The following SGCG variants were observed in gnomAD, a reference collection of about 807,000 sequenced individuals.
SGCG encodes the protein sarcoglycan gamma, also known as gamma-sarcoglycan.
Under a neutral mutation model 29.3 loss-of-function variants are expected in SGCG, and 26 were observed. That is an observed-to-expected ratio of 0.89 (90% confidence interval 0.65 to 1.23). The LOEUF is 1.23. Among genes scored for constraint, SGCG ranks in the 50% most tolerant of loss-of-function variants. SGCG has a pLI of 0.00. For synonymous variants in SGCG, 145 were observed against 129.7 expected (o/e 1.12, Z -0.80); for missense variants, 353 against 356.0 (o/e 0.99, Z 0.07).
rs920578426 is a variant in SGCG at position 23,242,040 on chromosome 13, T to C, written c.297+7328T>C. Among the ~76,000 whole-genome samples, 37 of 152,322 alleles carry C rather than the reference T, an allele frequency of 2.4e-4. 1 individual carries two copies. The highest frequency in any genetic ancestry group is 3.4e-3 in the Middle Eastern group (1 of 294). Reference sequence around the variant, plus strand: ...TTGATAAACCTTGAACCAGACTGAATATTTTAAAAAGAGAGGGCACAAATT... The same window carrying C: ...TTGATAAACCTTGAACCAGACTGAACATTTTAAAAAGAGAGGGCACAAATT... On this transcript the variant is annotated intron_variant, in intron 3 of 7. Transcript: ENST00000218867.
chr13:23,287,397 C>G (rs1235831974), intron 5 of SGCG, among the ~76,000 whole-genome samples: 2 of 120,950 alleles, frequency 1.7e-5, no homozygotes, highest in Non-Finnish European at 4.0e-5. Flanking sequence ...CTTGCAAGCA[C>G]AAAGAACTGA....
intron 4 of SGCG, among the ~76,000 whole-genome samples, chr13:23,275,944 A>T (rs1881052016): frequency 6.6e-6 from 1 of 152,228 alleles, no homozygotes; most frequent in African/African-American, 2.4e-5. Context: ...CACATTGTAT[A>T]TAAGGAAGAA....
intron 7 of SGCG, among the ~76,000 whole-genome samples, chr13:23,321,206 T>TA (rs1288548990): frequency 6.6e-6 from 1 of 151,924 alleles, no homozygotes; most frequent in Non-Finnish European, 1.5e-5. Flanking sequence ...AGATGAAAAA[T>TA]AAGAGTGTTT....
intron 6 of SGCG, among the ~76,000 whole-genome samples, chr13:23,310,787 A>G (rs1187678626): frequency 1.3e-5 from 2 of 152,012 alleles, no homozygotes; most frequent in Non-Finnish European, 2.9e-5. Flanking sequence ...TTTTGTTTAT[A>G]TGCACAGACA....
intron 4 of SGCG, among the ~76,000 whole-genome samples, chr13:23,261,589 G>T (rs768782078): frequency 6.6e-6 from 1 of 151,990 alleles, no homozygotes; most frequent in African/African-American, 2.4e-5. Flanking sequence ...GTATTTAAGG[G>T]AATAATTTAG....
At chr13:23,290,526 T>C (rs1452720301) in intron 5 of SGCG, among the ~76,000 whole-genome samples, 1 of 152,210 alleles carries the variant, frequency 6.6e-6, no homozygotes, top group Non-Finnish European at 1.5e-5. Context: ...ACGGAAGTTA[T>C]TGCTATCTTA....
intron 4 of SGCG, among the ~76,000 whole-genome samples, chr13:23,264,633 A>T (rs1360459432): frequency 1.3e-5 from 2 of 152,210 alleles, no homozygotes; most frequent in African/African-American, 4.8e-5. Context: ...ATCCTAAGCA[A>T]AAAGAATAAA....
At chr13:23,200,189 G>A (rs182459666) in intron 1 of SGCG, among the ~76,000 whole-genome samples, 290 of 152,292 alleles carry the variant, frequency 1.9e-3, no homozygotes, top group Middle Eastern at 6.8e-3. Context: ...TTGGGAGGCC[G>A]AAGCGAGTGG....
chr13:23,299,477 G>A (rs1206944606), intron 6 of SGCG, among the ~76,000 whole-genome samples: 1 of 23,246 alleles, frequency 4.3e-5, no homozygotes, highest in Non-Finnish European at 1.1e-4. Flanking sequence ...TTTTTTAGTC[G>A]GAGTCTCACT....
the SGCG span, among the ~76,000 whole-genome samples, chr13:23,167,927 T>C: frequency 2.0e-5 from 3 of 152,164 alleles, no homozygotes; most frequent in African/African-American, 7.2e-5. Flanking sequence ...GAGACGAGGT[T>C]TCACCATGTT....
At chr13:23,290,981 C>A (rs922143959) in intron 5 of SGCG, among the ~76,000 whole-genome samples, 2 of 152,096 alleles carry the variant, frequency 1.3e-5, no homozygotes. Flanking sequence ...CCTTCATGAC[C>A]GTCTCAATCC....
chr13:23,245,158 G>A (rs9580585), intron 3 of SGCG: 101,705 of 152,110 alleles, frequency 0.67, 34,407 homozygotes, highest in East Asian at 0.91. Context: ...AATTTGGAGC[G>A]TTTGGGGTTC....
chr13:23,273,182 A>C (rs1208834727), intron 4 of SGCG, among the ~76,000 whole-genome samples: 3 of 121,524 alleles, frequency 2.5e-5, no homozygotes, highest in Non-Finnish European at 5.7e-5. Context: ...TTACGAACTT[A>C]GTTCTTTTTT....
At chr13:23,238,177 G>A (rs1366304631) in intron 3 of SGCG, among the ~76,000 whole-genome samples, 5 of 152,174 alleles carry the variant, frequency 3.3e-5, no homozygotes, top group African/African-American at 1.2e-4. Context: ...CTGCAATGAG[G>A]GAGGGGAGCC....
intron 6 of SGCG, among the ~76,000 whole-genome samples, chr13:23,310,512 A>G (rs371345968): frequency 1.3e-5 from 2 of 152,122 alleles, no homozygotes; most frequent in South Asian, 2.1e-4. Flanking sequence ...TTTATTTTCA[A>G]TATGTTTGCA....
chr13:23,192,022 A>C (rs1209650259), intron 1 of SGCG, among the ~76,000 whole-genome samples: 1 of 151,824 alleles, frequency 6.6e-6, no homozygotes, highest in East Asian at 2.0e-4. Flanking sequence ...GAAAATACAA[A>C]AAATAAGCCG....
At chr13:23,179,638 A>G (rs17078396), upstream of SGCG, among the ~76,000 whole-genome samples, 675 of 152,346 alleles carry the variant, frequency 4.4e-3, 7 homozygotes, top group African/African-American at 0.015. Context: ...TTCCCAAAGT[A>G]GAAGTACTAA....
chr13:23,241,666 AAAAAG>A (rs1394120994), intron 3 of SGCG, among the ~76,000 whole-genome samples: 2 of 152,204 alleles, frequency 1.3e-5, no homozygotes, highest in African/African-American at 2.4e-5. Context: ...GAACAAAACA[AAAAAG>A]AAAACTACAG....
Position 23,314,382 on chromosome 13 carries a change from T to TTATATATATATATATATATATGTATA in SGCG, c.579-6234_579-6233insGTATATATATATATATATATATATAT. ...TAAATGAAATGATGTCTGCTATAGG[T>TTATATATATATATATATATATGTATA]TATATATATATATATATATATATAT... On this transcript the variant is annotated intron_variant, in intron 6 of 7. Coordinates refer to ENST00000218867, the MANE Select transcript of SGCG (RefSeq NM_000231.3). Among the ~76,000 whole-genome samples the TTATATATATATATATATATATGTATA allele has an allele frequency of 2.5e-5, 2 of 78,600 alleles. 1 individual carries two copies. Among genetic ancestry groups the TTATATATATATATATATATATGTATA allele is most frequent in the South Asian group, 1.3e-3 (2 of 1,550 alleles). 51.6% of individuals were successfully genotyped at this position (78,600 alleles called of 152,430 possible). A position where few individuals can be genotyped will look rare whatever the true frequency, so the allele number is the denominator to read the frequency against.
Sources: allele counts gnomAD v4.1 joint callset (sites outside exome capture counted in the v4.1 genomes callset), GRCh38; gene constraint gnomAD v4.1.1; transcripts MANE v1.5; gene names NCBI Gene and HGNC (gene_info 2026-07-23, HGNC 2026-07-21).